Variants in NKAIN2 observed in about 807,000 individuals in gnomAD.
NKAIN2 encodes sodium/potassium transporting ATPase interacting 2.
NKAIN2 carries 14 observed loss-of-function variants against 32.6 expected under a neutral mutation model. The ratio of observed to expected loss-of-function variants is 0.43; its 90% CI spans 0.28 to 0.67. The LOEUF (loss-of-function observed/expected upper bound fraction) is 0.67. NKAIN2 is among the 30% of genes least tolerant of loss of function. The probability of loss-of-function intolerance (pLI) is 0.17; values close to 1 mark genes in which losing one functional copy is unlikely to be tolerated. For missense variants in NKAIN2, 198 were observed against 258.3 expected (o/e 0.77, Z 1.60); for synonymous variants, 80 against 87.2 (o/e 0.92, Z 0.46).
At chr6:124,538,698 G>T (rs767996995) in intron 3 of NKAIN2, among the ~76,000 whole-genome samples, 2 of 152,010 alleles carry the variant, frequency 1.3e-5, no homozygotes, top group Non-Finnish European at 2.9e-5. Context: ...TAATAATTGT[G>T]TCCTTTATCT....
intron 1 of NKAIN2, among the ~76,000 whole-genome samples, chr6:124,110,161 C>G (rs528199928): frequency 8.0e-5 from 12 of 149,318 alleles, no homozygotes; most frequent in Non-Finnish European, 5.9e-5. Context: ...TTTCCAACAG[C>G]ACATTGAAAC....
chr6:124,627,108 A>G (rs923514338), intron 3 of NKAIN2, among the ~76,000 whole-genome samples: 3 of 152,106 alleles, frequency 2.0e-5, no homozygotes. Flanking sequence ...CGTCTCTACT[A>G]AAAATACAAA....
In NKAIN2 at chr6:124,579,554, CA is replaced by C. The variant is rs898805787; in HGVS notation, c.274-78628del. Reference sequence around the variant, plus strand: ...GCTATTTGAAAATACACAGAGCAGACAAAAGAATTAAGCCCACCCACCAGAT... The same window carrying C: ...GCTATTTGAAAATACACAGAGCAGACAAAGAATTAAGCCCACCCACCAGAT... On this transcript the variant is annotated intron_variant, in intron 3 of 6. Coordinates refer to ENST00000368417, the MANE Select transcript of NKAIN2 (RefSeq NM_001040214.3). 2.6e-4 allele frequency among the ~76,000 whole-genome samples: 40 copies of C among 151,994 alleles called. 1 individual carries two copies. Among genetic ancestry groups the C allele is most frequent in the Non-Finnish European group, 5.9e-5 (4 of 67,960 alleles).
chr6:124,589,208 C>T (rs1235704646), intron 3 of NKAIN2, among the ~76,000 whole-genome samples: 2 of 152,098 alleles, frequency 1.3e-5, no homozygotes, highest in Non-Finnish European at 2.9e-5. Flanking sequence ...AGAGTGTTTT[C>T]TTTTTACTTG....
chr6:124,024,693 A>G (rs892443156), intron 1 of NKAIN2, among the ~76,000 whole-genome samples: 2 of 152,072 alleles, frequency 1.3e-5, no homozygotes, highest in Admixed American at 6.6e-5. Context: ...AGCCACTTCA[A>G]GAGTGCTTTT....
chr6:123,974,385 A>G (rs1050185066), intron 1 of NKAIN2, among the ~76,000 whole-genome samples: 4 of 152,180 alleles, frequency 2.6e-5, no homozygotes, highest in African/African-American at 9.6e-5. Context: ...TTCCTTTAGA[A>G]TTAAACTATG....
At chr6:124,203,580 G>C (rs1790696858) in intron 1 of NKAIN2, among the ~76,000 whole-genome samples, 2 of 151,780 alleles carry the variant, frequency 1.3e-5, no homozygotes, top group South Asian at 4.1e-4. Flanking sequence ...AGCATGCTGA[G>C]AGAGAAAGGG....
chr6:123,947,092 C>T (rs1241881466), intron 1 of NKAIN2, among the ~76,000 whole-genome samples: 2 of 152,174 alleles, frequency 1.3e-5, no homozygotes, highest in African/African-American at 4.8e-5. Flanking sequence ...GTGGCGGTCA[C>T]CTTTCTTCTG....
At chr6:124,740,603 TAAATG>T (rs759303581) in intron 4 of NKAIN2, among the ~76,000 whole-genome samples, 103 of 151,936 alleles carry the variant, frequency 6.8e-4, no homozygotes, top group Admixed American at 2.7e-3. Flanking sequence ...TGCCAGGACT[TAAATG>T]AAGTGATAAA....
At chr6:124,689,215 C>T (rs892480407) in intron 4 of NKAIN2, among the ~76,000 whole-genome samples, 9 of 152,072 alleles carry the variant, frequency 5.9e-5, no homozygotes. Flanking sequence ...CAGCCTACAT[C>T]TCCCTGATGA....
chr6:124,797,177 A>AG (rs1223824987), intron 5 of NKAIN2, among the ~76,000 whole-genome samples: 2 of 151,228 alleles, frequency 1.3e-5, no homozygotes, highest in African/African-American at 4.9e-5. Context: ...AGCAAAAAAA[A>AG]AAAAAAAAAA....
intron 1 of NKAIN2, among the ~76,000 whole-genome samples, chr6:124,000,346 G>T (rs1055219872): frequency 2.6e-5 from 4 of 152,008 alleles, no homozygotes; most frequent in Non-Finnish European, 5.9e-5. Context: ...ATAATCAGCT[G>T]AAGTTCTAGG....
chr6:124,500,106 G>A (rs1335629300), intron 3 of NKAIN2, among the ~76,000 whole-genome samples: 1 of 151,990 alleles, frequency 6.6e-6, no homozygotes, highest in African/African-American at 2.4e-5. Context: ...CTCATTATTG[G>A]CATATTAAAG....
intron 4 of NKAIN2, among the ~76,000 whole-genome samples, chr6:124,696,234 G>C (rs975903715): frequency 6.6e-6 from 1 of 152,152 alleles, no homozygotes; most frequent in African/African-American, 2.4e-5. Flanking sequence ...GATGAATTCT[G>C]GTTTGTATGA....
chr6:123,942,770 A>G (rs184108003), intron 1 of NKAIN2, among the ~76,000 whole-genome samples: 32 of 152,126 alleles, frequency 2.1e-4, no homozygotes, highest in Non-Finnish European at 4.4e-4. Flanking sequence ...ACATAATCCT[A>G]TGAGCCATGA....
intron 1 of NKAIN2, among the ~76,000 whole-genome samples, chr6:123,948,597 A>ATTTTTTTTTTTTTTTTTTTT (rs71021472): frequency 8.1e-5 from 4 of 49,278 alleles, no homozygotes; most frequent in Admixed American, 3.0e-4. Context: ...CTTAAATGGG[A>ATTTTTTTTTTTTTTTTTTTT]TTTTTTTTTT....
chr6:124,661,568 A>C (rs2114439292), intron 4 of NKAIN2, among the ~76,000 whole-genome samples: 1 of 152,332 alleles, frequency 6.6e-6, no homozygotes, highest in South Asian at 2.1e-4. Flanking sequence ...TCTACAGCCA[A>C]AGGAAGACAA....
chr6:123,853,160 C>T (rs1466818265), intron 1 of NKAIN2, among the ~76,000 whole-genome samples: 3 of 152,046 alleles, frequency 2.0e-5, no homozygotes, highest in African/African-American at 7.2e-5. Flanking sequence ...GGATCAGTTT[C>T]CTATAACTGT....
intron 2 of NKAIN2, among the ~76,000 whole-genome samples, chr6:124,347,688 G>A (rs1798500830): frequency 6.6e-6 from 1 of 152,124 alleles, no homozygotes; most frequent in Non-Finnish European, 1.5e-5. Flanking sequence ...AGCTCCATCA[G>A]CTCCTTTAAG....
Sources: allele counts gnomAD v4.1 joint callset (sites outside exome capture counted in the v4.1 genomes callset), GRCh38; gene constraint gnomAD v4.1.1; transcripts MANE v1.5; gene names NCBI Gene and HGNC (gene_info 2026-07-23, HGNC 2026-07-21).